The following CYP2C19 variants were observed in gnomAD, a reference collection of about 807,000 sequenced individuals.
The protein encoded by CYP2C19 is cytochrome P450 family 2 subfamily C member 19, also known as cytochrome P450 2C19.
A neutral mutation model predicts 40.9 loss-of-function variants in CYP2C19; 59 were observed. The ratio of observed to expected loss-of-function variants is 1.44; its 90% CI spans 1.17 to 1.79. The LOEUF is 1.79. CYP2C19 is among the 40% of genes most tolerant of loss of function. The probability of loss-of-function intolerance (pLI) is 0.00; values close to 1 mark genes in which losing one functional copy is unlikely to be tolerated. For synonymous variants in CYP2C19, 253 were observed against 208.7 expected, an observed-to-expected ratio of 1.21 and a Z score of -1.83; for missense variants, 754 against 596.9, an observed-to-expected ratio of 1.26 and a Z score of -2.74.
At chr10:94,820,155 A>ATAC (rs1335181030) in intron 5 of CYP2C19, among the ~76,000 whole-genome samples, 1 of 151,886 alleles carries the variant, frequency 6.6e-6, no homozygotes, top group African/African-American at 2.4e-5. Context: ...CATTATCTCA[A>ATAC]TAGATGCAGA....
intron 6 of CYP2C19, among the ~76,000 whole-genome samples, chr10:94,839,378 T>A (rs1849455096): frequency 6.6e-6 from 1 of 152,182 alleles, no homozygotes; most frequent in South Asian, 2.1e-4. Context: ...GTAGCAGTCC[T>A]GCAACTGTTT....
intron 5 of CYP2C19, among the ~76,000 whole-genome samples, chr10:94,793,126 T>G (rs1848626485): frequency 6.6e-6 from 1 of 152,164 alleles, no homozygotes; most frequent in Admixed American, 6.5e-5. Flanking sequence ...TCTGATACCC[T>G]TTCTTCCACT....
chr10:94,809,711 T>C (rs1589362513), intron 5 of CYP2C19, among the ~76,000 whole-genome samples: 1 of 152,126 alleles, frequency 6.6e-6, no homozygotes, highest in African/African-American at 2.4e-5. Flanking sequence ...TTGTCATAAA[T>C]ACCTCTTACT....
At chr10:94,814,029 T>G (rs1017865477) in intron 5 of CYP2C19, among the ~76,000 whole-genome samples, 1 of 150,976 alleles carries the variant, frequency 6.6e-6, no homozygotes, top group Non-Finnish European at 1.5e-5. Flanking sequence ...TTTCCTTGGC[T>G]ATGGGAGGGA....
At chr10:94,791,168 G>A (rs1285997423) in intron 5 of CYP2C19, among the ~76,000 whole-genome samples, 1 of 152,104 alleles carries the variant, frequency 6.6e-6, no homozygotes, top group African/African-American at 2.4e-5. Context: ...GGTGTTTATA[G>A]TAATCTCTGA....
At chr10:94,834,224 T>C (rs1245108424) in intron 6 of CYP2C19, among the ~76,000 whole-genome samples, 1 of 152,192 alleles carries the variant, frequency 6.6e-6, no homozygotes, top group African/African-American at 2.4e-5. Flanking sequence ...TGGTTCAATC[T>C]CAATAGGTCA....
At chr10:94,808,330 A>G (rs1029228304) in intron 5 of CYP2C19, among the ~76,000 whole-genome samples, 2 of 152,088 alleles carry the variant, frequency 1.3e-5, no homozygotes, top group African/African-American at 2.4e-5. Context: ...TATATATTTG[A>G]TGGGTACATG....
intron 1 of CYP2C19, among the ~76,000 whole-genome samples, chr10:94,764,266 C>T (rs1012543539): frequency 6.6e-6 from 1 of 152,062 alleles, no homozygotes; most frequent in African/African-American, 2.4e-5. Flanking sequence ...TGCTGATTGG[C>T]CCATTTTACA....
intron 6 of CYP2C19, among the ~76,000 whole-genome samples, chr10:94,826,026 T>C (rs1187325284): frequency 3.3e-5 from 5 of 150,122 alleles, no homozygotes; most frequent in Non-Finnish European, 1.5e-5. Context: ...TATCTCTGTT[T>C]TGGTACCAGT....
chr10:94,849,120 T>C (rs542363156), intron 7 of CYP2C19, among the ~76,000 whole-genome samples: 2 of 152,274 alleles, frequency 1.3e-5, no homozygotes, highest in African/African-American at 4.8e-5. Context: ...CTATGTTGAA[T>C]AGGAGTGGTG....
chr10:94,816,319 G>A (rs1021401096), intron 5 of CYP2C19, among the ~76,000 whole-genome samples: 2 of 142,730 alleles, frequency 1.4e-5, no homozygotes, highest in African/African-American at 2.6e-5. Flanking sequence ...TATTGTTTAT[G>A]CAAAACAAAG....
Position 94,780,665 on chromosome 10 carries a change from G to T in CYP2C19, c.642+6G>T. 1.2e-6 allele frequency: 2 copies of T among 1,613,320 alleles called. No individual in the cohort carries two copies. The highest frequency in any genetic ancestry group is 1.1e-5 in the South Asian group (1 of 91,028). On this transcript the variant is annotated splice_donor_region_variant and intron_variant, in intron 4 of 8. Transcript: ENST00000371321. ...TAAGCACCCCCTGGATCCAGGTAAG[G>T]CCAAGTTTTTTGCTTCCTGAGAAAC...
At chr10:94,833,778 T>G (rs1849363509) in intron 6 of CYP2C19, among the ~76,000 whole-genome samples, 1 of 152,366 alleles carries the variant, frequency 6.6e-6, no homozygotes, top group Admixed American at 6.5e-5. Flanking sequence ...TTATCCTTCA[T>G]TCTGTTGATA....
chr10:94,816,956 A>G (rs1589365560), intron 5 of CYP2C19, among the ~76,000 whole-genome samples: 1 of 122,922 alleles, frequency 8.1e-6, no homozygotes, highest in East Asian at 2.5e-4. Flanking sequence ...TATGTGCCAC[A>G]TTTTCTTAAT....
At chr10:94,764,546 C>A (rs945859437) in intron 1 of CYP2C19, among the ~76,000 whole-genome samples, 3 of 152,116 alleles carry the variant, frequency 2.0e-5, no homozygotes, top group Admixed American at 6.5e-5. Flanking sequence ...AAACAGGACA[C>A]CCCAACTGCT....
At chr10:94,801,885 G>A (rs1349882485) in intron 5 of CYP2C19, among the ~76,000 whole-genome samples, 1 of 152,148 alleles carries the variant, frequency 6.6e-6, no homozygotes, top group African/African-American at 2.4e-5. Flanking sequence ...ATGAAGCTGT[G>A]GACCTTTGTG....
chr10:94,766,448 A>G (rs1249340226), intron 1 of CYP2C19, among the ~76,000 whole-genome samples: 1 of 152,144 alleles, frequency 6.6e-6, no homozygotes, highest in African/African-American at 2.4e-5. Flanking sequence ...AAGACAGAAA[A>G]AAGGTTGATG....
intron 6 of CYP2C19, among the ~76,000 whole-genome samples, chr10:94,828,133 T>C (rs1430363486): frequency 6.6e-6 from 1 of 152,302 alleles, no homozygotes; most frequent in African/African-American, 2.4e-5. Context: ...AAAAAATGTA[T>C]ATTCTGTTGA....
At chr10:94,811,245 G>A (rs975438969) in intron 5 of CYP2C19, among the ~76,000 whole-genome samples, 1 of 152,052 alleles carries the variant, frequency 6.6e-6, no homozygotes, top group Non-Finnish European at 1.5e-5. Flanking sequence ...GGTCTAATAG[G>A]TTGTTTGCTT....
Sources: gnomAD v4.1 joint callset for allele counts (sites outside exome capture counted in the v4.1 genomes callset) on GRCh38, gnomAD v4.1.1 for gene constraint, MANE v1.5 for transcripts, NCBI Gene and HGNC (gene_info 2026-07-23, HGNC 2026-07-21) for gene names.